KCNT2: variants seen among roughly 807,000 people sequenced by gnomAD.
KCNT2 encodes potassium channel subfamily T member 2.
KCNT2 carries 67 observed loss-of-function variants against 153.8 expected under a neutral mutation model. The observed-to-expected ratio is 0.44, with a 90% CI of 0.36 to 0.53. KCNT2 has a LOEUF of 0.53. Ranked by LOEUF, KCNT2 falls within the 20% of genes least tolerant of loss-of-function variation. The pLI is 0.00. For synonymous variants in KCNT2, 500 were observed against 458.8 expected (o/e 1.09, Z -1.15); for missense variants, 975 against 1,354.8 (o/e 0.72, Z 4.40).
intron 1 of KCNT2, among the ~76,000 whole-genome samples, chr1:196,546,627 C>G (rs183939559): frequency 2.6e-5 from 4 of 151,998 alleles, no homozygotes; most frequent in African/African-American, 9.7e-5. Context: ...ACCTAAGCAT[C>G]AGATTCTAAT....
At chr1:196,545,888 T>C (rs1490927986) in intron 1 of KCNT2, among the ~76,000 whole-genome samples, 1 of 152,076 alleles carries the variant, frequency 6.6e-6, no homozygotes, top group African/African-American at 2.4e-5. Context: ...CCTTGTATCA[T>C]ACTTGATTTA....
intron 11 of KCNT2, among the ~76,000 whole-genome samples, chr1:196,425,046 G>C (rs898732834): frequency 6.6e-5 from 10 of 151,886 alleles, no homozygotes; most frequent in African/African-American, 2.4e-4. Context: ...GACAACTCAA[G>C]GGTAAACATG....
At chr1:196,443,685 C>T (rs960815252) in intron 8 of KCNT2, among the ~76,000 whole-genome samples, 1 of 151,532 alleles carries the variant, frequency 6.6e-6, no homozygotes, top group African/African-American at 2.4e-5. Context: ...CTGTGCTCTC[C>T]GTGTTCTTAT....
intron 21 of KCNT2, among the ~76,000 whole-genome samples, chr1:196,308,757 C>T (rs1379765472): frequency 6.6e-6 from 1 of 151,818 alleles, no homozygotes; most frequent in Admixed American, 6.6e-5. Context: ...GCTTCCCCCA[C>T]CATTATAATA....
intron 4 of KCNT2, among the ~76,000 whole-genome samples, 164 bp from the exon 5 acceptor site, chr1:196,479,402 G>C (rs574195841): frequency 6.6e-6 from 1 of 152,210 alleles, no homozygotes. Flanking sequence ...CAGATGACAG[G>C]CTGCTGGCCA....
chr1:196,393,689 T>C (rs968818484), intron 13 of KCNT2, among the ~76,000 whole-genome samples: 3 of 151,530 alleles, frequency 2.0e-5, no homozygotes, highest in Admixed American at 1.3e-4. Flanking sequence ...AATGTTGAGC[T>C]ACAGAAACAT....
At chr1:196,549,278 C>T (rs897440922) in intron 1 of KCNT2, among the ~76,000 whole-genome samples, 3 of 151,630 alleles carry the variant, frequency 2.0e-5, no homozygotes, top group Non-Finnish European at 4.4e-5. Context: ...TACACATGGA[C>T]CCTAAGTATT....
At chr1:196,443,575 G>A in intron 8 of KCNT2, among the ~76,000 whole-genome samples, 1 of 151,658 alleles carries the variant, frequency 6.6e-6, no homozygotes, top group South Asian at 2.1e-4. Context: ...GTATGAAAAT[G>A]TACTAAAGGC....
chr1:196,521,590 T>TATATAC (rs1200164872), intron 1 of KCNT2, among the ~76,000 whole-genome samples: 7 of 152,094 alleles, frequency 4.6e-5, no homozygotes, highest in African/African-American at 1.7e-4. Flanking sequence ...AAATGTGGTA[T>TATATAC]ATATACACCA....
intron 1 of KCNT2, among the ~76,000 whole-genome samples, chr1:196,568,748 G>C (rs2148944185): frequency 6.7e-6 from 1 of 150,208 alleles, no homozygotes; most frequent in Non-Finnish European, 1.5e-5. Flanking sequence ...TGGTCCTGAG[G>C]CTGGGGACCC....
At chr1:196,468,301 T>G (rs1029174397) in intron 6 of KCNT2, among the ~76,000 whole-genome samples, 9 of 152,110 alleles carry the variant, frequency 5.9e-5, no homozygotes, top group African/African-American at 2.2e-4. Context: ...TTAAAATAAT[T>G]ATCAGAACAG....
intron 1 of KCNT2, among the ~76,000 whole-genome samples, chr1:196,558,333 T>A (rs1485740904): frequency 6.6e-6 from 1 of 151,258 alleles, no homozygotes; most frequent in Non-Finnish European, 1.5e-5. Flanking sequence ...GGTCATAAAG[T>A]AAGGATATAT....
intron 22 of KCNT2, among the ~76,000 whole-genome samples, chr1:196,285,996 A>T (rs1164615835): frequency 2.0e-5 from 3 of 152,264 alleles, no homozygotes; most frequent in Non-Finnish European, 4.4e-5. Context: ...TACATTAAGC[A>T]TGTATTTACT....
intron 12 of KCNT2, among the ~76,000 whole-genome samples, chr1:196,400,091 T>C (rs956951051): frequency 1.3e-5 from 2 of 151,834 alleles, no homozygotes; most frequent in Non-Finnish European, 2.9e-5. Flanking sequence ...ATGTACCATA[T>C]GTTCCTTACA....
intron 13 of KCNT2, among the ~76,000 whole-genome samples, chr1:196,387,147 A>C (rs1670064196): frequency 6.6e-6 from 1 of 152,020 alleles, no homozygotes; most frequent in Non-Finnish European, 1.5e-5. Context: ...TAAAAATAAT[A>C]ATCATCCACA....
intron 13 of KCNT2, among the ~76,000 whole-genome samples, chr1:196,387,370 A>G (rs1192953168): frequency 6.6e-6 from 1 of 151,952 alleles, no homozygotes; most frequent in Non-Finnish European, 1.5e-5. Context: ...ATCTGCATTC[A>G]TTTAAATATA....
intron 1 of KCNT2, among the ~76,000 whole-genome samples, chr1:196,566,586 T>C (rs1660140793): frequency 1.3e-5 from 2 of 151,998 alleles, no homozygotes; most frequent in Admixed American, 1.3e-4. Flanking sequence ...ATTAAGGTGG[T>C]GGGAGAGAGA....
intron 8 of KCNT2, among the ~76,000 whole-genome samples, chr1:196,431,209 G>C (rs1674119940): frequency 6.6e-6 from 1 of 152,088 alleles, no homozygotes; most frequent in Middle Eastern, 3.2e-3. Context: ...AAATTACCCA[G>C]TCTCAAGTAT....
chr1:196,485,789 T>G (rs1013915778), intron 3 of KCNT2, among the ~76,000 whole-genome samples: 1 of 151,988 alleles, frequency 6.6e-6, no homozygotes, highest in African/African-American at 2.4e-5. Flanking sequence ...CAAACCCTCC[T>G]TCATAAAATG....
Sources: allele counts gnomAD v4.1 joint callset (sites outside exome capture counted in the v4.1 genomes callset), GRCh38; gene constraint gnomAD v4.1.1; transcripts MANE v1.5; gene names NCBI Gene and HGNC (gene_info 2026-07-23, HGNC 2026-07-21).